The following CSMD1 variants were observed in gnomAD, a reference collection of about 807,000 sequenced individuals.
The protein encoded by CSMD1 is CUB and sushi domain-containing protein 1.
CSMD1 carries 213 observed loss-of-function variants against 417.5 expected under a neutral mutation model. The ratio of observed to expected loss-of-function variants is 0.51; its 90% CI spans 0.46 to 0.57. CSMD1 has a LOEUF of 0.57. Ranked by LOEUF, CSMD1 falls within the 20% of genes least tolerant of loss-of-function variation. The probability of loss-of-function intolerance (pLI) is 0.00; values close to 1 mark genes in which losing one functional copy is unlikely to be tolerated. For missense variants in CSMD1, 6,923 were observed against 4,529.7 expected (o/e 1.53, Z -15.17); for synonymous variants, 2,862 against 1,736.8 (o/e 1.65, Z -16.11).
At chr8:4,237,809 G>C (rs1055147151) in intron 3 of CSMD1, among the ~76,000 whole-genome samples, 1 of 152,064 alleles carries the variant, frequency 6.6e-6, no homozygotes, top group African/African-American at 2.4e-5. Context: ...CACAGTACCT[G>C]GCCCAAAAAT....
At chr8:4,218,045 A>T (rs865788815) in intron 3 of CSMD1, among the ~76,000 whole-genome samples, 3 of 152,328 alleles carry the variant, frequency 2.0e-5, no homozygotes, top group Middle Eastern at 6.8e-3. Flanking sequence ...GGTTTCTGGC[A>T]GTGGCTTATT....
intron 1 of CSMD1, among the ~76,000 whole-genome samples, chr8:4,968,545 AT>A (rs1216493038): frequency 6.6e-6 from 1 of 152,042 alleles, no homozygotes; most frequent in Non-Finnish European, 1.5e-5. Context: ...ACCAATTAAT[AT>A]TTTTTATATA....
intron 40 of CSMD1, among the ~76,000 whole-genome samples, chr8:3,147,466 C>A (rs1818912637): frequency 6.6e-6 from 1 of 152,156 alleles, no homozygotes; most frequent in South Asian, 2.1e-4. Flanking sequence ...AGTCTGACTC[C>A]AGCATCCAAG....
At chr8:4,123,652 G>A (rs1334398798) in intron 3 of CSMD1, among the ~76,000 whole-genome samples, 2 of 152,128 alleles carry the variant, frequency 1.3e-5, no homozygotes, top group East Asian at 1.9e-4. Flanking sequence ...AATGGGAACT[G>A]GTAACACTCT....
intron 5 of CSMD1, among the ~76,000 whole-genome samples, chr8:3,940,436 G>T (rs1285995096): frequency 6.6e-6 from 1 of 151,246 alleles, no homozygotes; most frequent in Non-Finnish European, 1.5e-5. Flanking sequence ...TTGTAAAGAA[G>T]TAAAACATAA....
intron 1 of CSMD1, among the ~76,000 whole-genome samples, chr8:4,832,092 C>A: frequency 6.6e-6 from 1 of 152,198 alleles, no homozygotes; most frequent in East Asian, 1.9e-4. Flanking sequence ...CCCTTCTCTT[C>A]GGGAACCTTT....
At chr8:3,656,504 G>T (rs1251665750) in intron 7 of CSMD1, among the ~76,000 whole-genome samples, 1 of 152,158 alleles carries the variant, frequency 6.6e-6, no homozygotes, top group Non-Finnish European at 1.5e-5. Flanking sequence ...ATGCAATAGT[G>T]CAGTCCTCAG....
chr8:4,303,206 C>T (rs1262108806), intron 3 of CSMD1, among the ~76,000 whole-genome samples: 1 of 152,192 alleles, frequency 6.6e-6, no homozygotes, highest in Admixed American at 6.5e-5. Context: ...AGAATAACAT[C>T]TGTTAACAGA....
At chr8:4,846,854 T>C (rs983146335) in intron 1 of CSMD1, among the ~76,000 whole-genome samples, 3 of 152,176 alleles carry the variant, frequency 2.0e-5, no homozygotes, top group East Asian at 3.8e-4. Flanking sequence ...ATATATCAAC[T>C]ATATCTGTAA....
chr8:4,220,586 A>G (rs895528875), intron 3 of CSMD1, among the ~76,000 whole-genome samples: 2 of 152,350 alleles, frequency 1.3e-5, no homozygotes, highest in South Asian at 2.1e-4. Context: ...GGCTTTTCCT[A>G]GAGTGATAAG....
At chr8:3,952,288 C>G (rs993548734) in intron 5 of CSMD1, among the ~76,000 whole-genome samples, 4 of 152,060 alleles carry the variant, frequency 2.6e-5, no homozygotes, top group African/African-American at 4.8e-5. Context: ...CTTCTAGAGG[C>G]TACGCGAAAG....
intron 10 of CSMD1, among the ~76,000 whole-genome samples, chr8:3,508,327 A>C (rs1260610788): frequency 1.3e-5 from 2 of 150,386 alleles, no homozygotes; most frequent in Non-Finnish European, 3.0e-5. Context: ...TGGACACAGG[A>C]AGGGGAACAT....
intron 5 of CSMD1, among the ~76,000 whole-genome samples, chr8:3,985,585 T>C (rs770261470): frequency 2.0e-5 from 3 of 152,142 alleles, no homozygotes; most frequent in Non-Finnish European, 4.4e-5. Flanking sequence ...TTTCACTTTA[T>C]TTGAAGGGGC....
chr8:4,087,097 C>T (rs190298241), intron 3 of CSMD1, among the ~76,000 whole-genome samples: 2 of 152,328 alleles, frequency 1.3e-5, no homozygotes, highest in African/African-American at 4.8e-5. Flanking sequence ...GCCTTTCTTC[C>T]TGGAGCAACT....
At chr8:3,532,384 G>A (rs560389894) in intron 10 of CSMD1, among the ~76,000 whole-genome samples, 13 of 152,100 alleles carry the variant, frequency 8.5e-5, no homozygotes, top group Non-Finnish European at 1.3e-4. Flanking sequence ...GTGTATGAGC[G>A]AGTGGTGAGG....
intron 3 of CSMD1, among the ~76,000 whole-genome samples, chr8:4,389,378 C>T (rs1803691706): frequency 6.6e-6 from 1 of 152,106 alleles, no homozygotes; most frequent in Non-Finnish European, 1.5e-5. Context: ...TTGGAAATTA[C>T]TATTAATGAG....
intron 2 of CSMD1, among the ~76,000 whole-genome samples, chr8:4,593,346 C>G (rs1319366990): frequency 6.6e-6 from 1 of 152,084 alleles, no homozygotes; most frequent in African/African-American, 2.4e-5. Flanking sequence ...ATGGCTAAAT[C>G]CTTGTTATTG....
In CSMD1 at chr8:4,555,878, C is replaced by A. The variant is rs7011047; in HGVS notation, c.302+81464G>T. Among the ~76,000 whole-genome samples, 467 of 152,114 alleles carry A rather than the reference C, an allele frequency of 3.1e-3. 4 individuals carry two copies. The highest frequency in any genetic ancestry group is 0.011 in the African/African-American group (457 of 41,530). Reference sequence around the variant, plus strand: ...ATATCTAAAAGACTGAAAAGACTTTCTTTAAAAAAAGTCAAGTGTATCTTT... The same window carrying A: ...ATATCTAAAAGACTGAAAAGACTTTATTTAAAAAAAGTCAAGTGTATCTTT... On this transcript the variant is annotated intron_variant, in intron 2 of 69. Coordinates refer to ENST00000635120, the MANE Select transcript of CSMD1 (RefSeq NM_033225.6).
chr8:4,406,151 C>T (rs975961011), intron 3 of CSMD1, among the ~76,000 whole-genome samples: 1 of 152,160 alleles, frequency 6.6e-6, no homozygotes. Flanking sequence ...CATAATCGTG[C>T]ACACATTAGA....
Sources: allele counts gnomAD v4.1 joint callset (sites outside exome capture counted in the v4.1 genomes callset), GRCh38; gene constraint gnomAD v4.1.1; transcripts MANE v1.5; gene names NCBI Gene and HGNC (gene_info 2026-07-23, HGNC 2026-07-21).